The following PHF21B variants were observed in gnomAD, a reference collection of about 807,000 sequenced individuals.
PHF21B encodes PHD finger protein 21B.
A neutral mutation model predicts 62.2 loss-of-function variants in PHF21B; 22 were observed. The observed-to-expected ratio is 0.35, with a 90% CI of 0.25 to 0.51. The LOEUF (loss-of-function observed/expected upper bound fraction) is 0.51, where lower values mean the gene tolerates loss of function less well. PHF21B is among the 20% of genes least tolerant of loss of function. The probability of loss-of-function intolerance (pLI) is 0.97; values close to 1 mark genes in which losing one functional copy is unlikely to be tolerated. For synonymous variants in PHF21B, 341 were observed against 314.7 expected, an observed-to-expected ratio of 1.08 and a Z score of -0.88; for missense variants, 701 against 707.9, an observed-to-expected ratio of 0.99 and a Z score of 0.11.
At chr22:44,890,899 C>T (rs1264260709) in intron 8 of PHF21B, among the ~76,000 whole-genome samples, 3 of 152,250 alleles carry the variant, frequency 2.0e-5, no homozygotes, top group African/African-American at 7.2e-5. Context: ...TTCCAATGCC[C>T]AGAGCAGGCA....
intron 5 of PHF21B, among the ~76,000 whole-genome samples, chr22:44,899,904 C>T (rs1308258563): frequency 1.3e-5 from 2 of 152,118 alleles, no homozygotes; most frequent in African/African-American, 4.8e-5. Context: ...CTTGAGTTTT[C>T]CAGATCTCTT....
chr22:44,936,314 G>C (rs2071846004), intron 2 of PHF21B, among the ~76,000 whole-genome samples: 1 of 152,236 alleles, frequency 6.6e-6, no homozygotes, highest in African/African-American at 2.4e-5. Context: ...TGGTTCTGAA[G>C]GCGGCTCCTT....
chr22:44,920,389 G>C lies in PHF21B; in HGVS notation c.213+9C>G. On this transcript the variant is annotated intron_variant, in intron 3 of 12. Transcript: ENST00000313237. ...CGGACACCCCAGGGCCCGCCCGAGGGCTGCTTACCTGAGGTAGCACTGCCG... is the reference window on the plus strand; with the variant it reads ...CGGACACCCCAGGGCCCGCCCGAGGCCTGCTTACCTGAGGTAGCACTGCCG... The C allele has an allele frequency of 6.2e-7, 1 of 1,603,506 alleles. No individual in the cohort carries two copies. The highest frequency in any genetic ancestry group is 8.5e-7 in the Non-Finnish European group (1 of 1,173,636).
chr22:44,938,283 G>A (rs915347079), intron 2 of PHF21B, among the ~76,000 whole-genome samples: 2 of 152,122 alleles, frequency 1.3e-5, no homozygotes, highest in Admixed American at 1.3e-4. Flanking sequence ...GCCCAGGCTG[G>A]AGTGCAGTGG....
At chr22:45,004,868 T>C (rs775557485) in intron 2 of PHF21B, among the ~76,000 whole-genome samples, 7 of 152,218 alleles carry the variant, frequency 4.6e-5, no homozygotes, top group Non-Finnish European at 1.0e-4. Flanking sequence ...CCAGAGTTCA[T>C]CAGCTCCACG....
chr22:44,978,585 C>T (rs983467600), intron 2 of PHF21B, among the ~76,000 whole-genome samples: 1 of 152,220 alleles, frequency 6.6e-6, no homozygotes, highest in Non-Finnish European at 1.5e-5. Context: ...TCTCAAACTC[C>T]TGACCTCAAG....
chr22:44,961,317 G>A (rs2072415713), intron 2 of PHF21B, among the ~76,000 whole-genome samples: 1 of 151,952 alleles, frequency 6.6e-6, no homozygotes, highest in Non-Finnish European at 1.5e-5. Flanking sequence ...AGGTTACATA[G>A]GTATACTTCG....
chr22:44,968,373 G>A (rs1182246258), intron 2 of PHF21B, among the ~76,000 whole-genome samples: 2 of 152,214 alleles, frequency 1.3e-5, no homozygotes, highest in Non-Finnish European at 2.9e-5. Flanking sequence ...GCTGGGTACA[G>A]CGGCTCACAC....
intron 5 of PHF21B, among the ~76,000 whole-genome samples, chr22:44,907,723 C>T (rs1313927690): frequency 6.6e-6 from 1 of 152,206 alleles, no homozygotes; most frequent in African/African-American, 2.4e-5. Context: ...GGGGCATTTG[C>T]ACAACACGCT....
Position 44,926,937 on chromosome 22 carries a change from C to T in PHF21B, c.121-6447G>A, listed in dbSNP as rs547830560. 2.6e-5 allele frequency among the ~76,000 whole-genome samples: 4 copies of T among 152,282 alleles called. No individual in the cohort carries two copies. The South Asian group carries it at 8.3e-4, about 32-fold the overall frequency. ...TCAGGTGTGCACAGCTCTGCTTCCA[C>T]ACGAGTTCTTCTCGGGAGCGTCTTT... On this transcript the variant is annotated intron_variant, in intron 2 of 12. Coordinates refer to ENST00000313237, the MANE Select transcript of PHF21B (RefSeq NM_138415.5).
intron 5 of PHF21B, chr22:44,901,728 T>C: frequency 2.6e-6 from 1 of 385,578 alleles, no homozygotes; most frequent in Non-Finnish European, 4.7e-6. Flanking sequence ...CCCATCCTTG[T>C]CAGAGGAATT....
chr22:44,987,994 G>A (rs1017418451), intron 2 of PHF21B, among the ~76,000 whole-genome samples: 8 of 152,196 alleles, frequency 5.3e-5, no homozygotes, highest in South Asian at 2.1e-4. Context: ...TGAGCTCCCC[G>A]TCACACAAAG....
chr22:44,896,068 C>T lies in PHF21B; in HGVS notation c.847G>A (p.Val283Ile), dbSNP rs138778091. Reference sequence around the variant, plus strand: ...TCCGTGGTAACCAGGCCTAGCGCTACCATGAAGGCGATTTTCTGAGGGAAG... The same window carrying T: ...TCCGTGGTAACCAGGCCTAGCGCTATCATGAAGGCGATTTTCTGAGGGAAG... Reference protein sequence around the residue: ...QENPEKIAFMVALGLVTTEHL... With the variant: ...QENPEKIAFMIALGLVTTEHL... Residue 283 changes from valine (V) to isoleucine (I), a missense_variant, in exon 6 of 13, where the codon GTA becomes ATA. By Grantham distance (29) the Val-to-Ile change is conservative (BLOSUM62 3). Transcript: ENST00000313237. 4.7e-5 allele frequency: 76 copies of T among 1,614,146 alleles called. No individual in the cohort carries two copies. In the African/African-American group the frequency reaches 7.3e-4, roughly 16 times the overall value.
At chr22:44,957,971 C>T (rs1713893312) in intron 2 of PHF21B, among the ~76,000 whole-genome samples, 1 of 150,994 alleles carries the variant, frequency 6.6e-6, no homozygotes, top group Non-Finnish European at 1.5e-5. Flanking sequence ...GGCGCGATCT[C>T]GGCTCACCAC....
In PHF21B at chr22:44,930,428, TGAA is replaced by T. The variant is rs150758244; in HGVS notation, c.121-9941_121-9939del. Among the ~76,000 whole-genome samples the T allele has an allele frequency of 9.4e-4, 143 of 152,210 alleles. 2 individuals are homozygous for T. In the East Asian group the frequency reaches 0.027, roughly 28 times the overall value. On this transcript the variant is annotated intron_variant, in intron 2 of 12. Coordinates refer to ENST00000313237, the MANE Select transcript of PHF21B (RefSeq NM_138415.5). ...ATATTTTATAATAAATAAATATGCA[TGAA>T]GGAGACAGAGGGAGCTCTGTCTACA...
intron 5 of PHF21B, 141 bp downstream of exon 5, chr22:44,913,681 G>A: frequency 8.1e-7 from 1 of 1,237,252 alleles, no homozygotes; most frequent in Non-Finnish European, 1.1e-6. Context: ...GCCCCATCCT[G>A]GTCGCCGACT....
chr22:45,001,678 C>T (rs1188176891), intron 2 of PHF21B, among the ~76,000 whole-genome samples: 1 of 152,200 alleles, frequency 6.6e-6, no homozygotes, highest in East Asian at 1.9e-4. Context: ...TCCATATCCC[C>T]AATAATTTCT....
rs533935455 is a variant in PHF21B at position 44,976,560 on chromosome 22, C to T, written c.120+31985G>A. Among the ~76,000 whole-genome samples, 94 of 152,314 alleles carry T rather than the reference C, an allele frequency of 6.2e-4. 1 individual carries two copies. The highest frequency in any genetic ancestry group is 2.3e-3 in the African/African-American group (94 of 41,558). ...CAATTTACACAGTTGGTTTCATGCA[C>T]TTTTGACTGTTCCGTCTTGTTTCTG... On this transcript the variant is annotated intron_variant, in intron 2 of 12. Transcript: ENST00000313237.
chr22:44,964,895 C>G (rs2072494366), intron 2 of PHF21B, among the ~76,000 whole-genome samples: 1 of 152,226 alleles, frequency 6.6e-6, no homozygotes, highest in Non-Finnish European at 1.5e-5. Context: ...TCTTGCTGCC[C>G]TCTGCAGTGT....
Sources: gnomAD v4.1 joint callset for allele counts (sites outside exome capture counted in the v4.1 genomes callset) on GRCh38, gnomAD v4.1.1 for gene constraint, MANE v1.5 for transcripts, NCBI Gene and HGNC (gene_info 2026-07-23, HGNC 2026-07-21) for gene names.